RALGPS2: variants seen among roughly 807,000 people sequenced by gnomAD.
The protein encoded by RALGPS2 is Ral GEF with PH domain and SH3 binding motif 2.
RALGPS2 carries 43 observed loss-of-function variants against 86.8 expected under a neutral mutation model. That is an observed-to-expected ratio of 0.50 (90% CI 0.39 to 0.64). The LOEUF (loss-of-function observed/expected upper bound fraction) is 0.64, where lower values mean the gene tolerates loss of function less well. RALGPS2 is among the 30% of genes least tolerant of loss of function. The pLI, the probability that RALGPS2 is intolerant of heterozygous loss-of-function variation, is 0.00. For synonymous variants in RALGPS2, 243 were observed against 231.3 expected, an observed-to-expected ratio of 1.05 and a Z score of -0.46; for missense variants, 536 against 694.6, an observed-to-expected ratio of 0.77 and a Z score of 2.57.
intron 8 of RALGPS2, among the ~76,000 whole-genome samples, 168 bp downstream of exon 8, chr1:178,833,718 G>T (rs773382630): frequency 5.3e-5 from 8 of 152,040 alleles, no homozygotes; most frequent in Non-Finnish European, 1.2e-4. Flanking sequence ...CCTGTTACCT[G>T]GAATGTATTT....
intron 1 of RALGPS2, among the ~76,000 whole-genome samples, chr1:178,770,930 G>A (rs117922414): frequency 0.012 from 1,822 of 148,856 alleles, 39 homozygotes; most frequent in East Asian, 0.094. Flanking sequence ...CCTCCCCGTC[G>A]CGGGATCAAG....
chr1:178,800,456 T>C (rs1016654643), intron 4 of RALGPS2, among the ~76,000 whole-genome samples: 2 of 152,098 alleles, frequency 1.3e-5, no homozygotes, highest in Non-Finnish European at 2.9e-5. Context: ...CTATACACCA[T>C]GAAGATGCAA....
intron 4 of RALGPS2, among the ~76,000 whole-genome samples, chr1:178,798,025 A>T (rs919279374): frequency 6.8e-6 from 1 of 146,454 alleles, no homozygotes; most frequent in African/African-American, 2.7e-5. Flanking sequence ...TTAGAAATAT[A>T]AAAAAAAATT....
At chr1:178,793,205 G>C (rs1292313963) in intron 4 of RALGPS2, among the ~76,000 whole-genome samples, 2 of 152,058 alleles carry the variant, frequency 1.3e-5, no homozygotes, top group Admixed American at 6.5e-5. Context: ...AAATTGTGCT[G>C]CTAATACAAT....
chr1:178,874,127 T>A (rs528631635), intron 8 of RALGPS2, among the ~76,000 whole-genome samples: 1 of 151,832 alleles, frequency 6.6e-6, no homozygotes, highest in South Asian at 2.1e-4. Flanking sequence ...GGGGAAAAAA[T>A]AAGGGAATGA....
chr1:178,841,026 A>T (rs536713391), intron 8 of RALGPS2, among the ~76,000 whole-genome samples: 3 of 151,324 alleles, frequency 2.0e-5, no homozygotes, highest in East Asian at 1.9e-4. Context: ...CCAACCAAAG[A>T]AAGTCCAGGA....
chr1:178,852,130 C>T (rs1657212320), intron 8 of RALGPS2, among the ~76,000 whole-genome samples: 1 of 152,158 alleles, frequency 6.6e-6, no homozygotes, highest in African/African-American at 2.4e-5. Context: ...TTGCATCCTT[C>T]ATTTCTTGCG....
At chr1:178,864,930 T>G (rs2102334793) in intron 8 of RALGPS2, 1 of 1,401,628 alleles carries the variant, frequency 7.1e-7, no homozygotes, top group Non-Finnish European at 9.3e-7. Flanking sequence ...ATACTCCCAC[T>G]TTTTACAGTA....
At chr1:178,848,737 A>G (rs1376065505) in intron 8 of RALGPS2, among the ~76,000 whole-genome samples, 2 of 152,074 alleles carry the variant, frequency 1.3e-5, no homozygotes, top group Non-Finnish European at 2.9e-5. Flanking sequence ...ACTGCAAGCA[A>G]TTCTTCTGCC....
At chr1:178,805,769 TAC>T (rs1235685180) in intron 4 of RALGPS2, among the ~76,000 whole-genome samples, 11 of 152,178 alleles carry the variant, frequency 7.2e-5, no homozygotes, top group African/African-American at 1.2e-4. Flanking sequence ...CTTTTGCACA[TAC>T]AGTTATATCA....
chr1:178,880,037 A>T (rs1215022100), intron 10 of RALGPS2, among the ~76,000 whole-genome samples: 1 of 151,954 alleles, frequency 6.6e-6, no homozygotes, highest in Non-Finnish European at 1.5e-5. Context: ...TACTTTTTTT[A>T]AAAAGTTTAT....
At chr1:178,818,185 C>A (rs1367015235) in intron 6 of RALGPS2, among the ~76,000 whole-genome samples, 1 of 152,032 alleles carries the variant, frequency 6.6e-6, no homozygotes, top group Non-Finnish European at 1.5e-5. Context: ...CATAGTGAAA[C>A]CCTGTCTCTA....
intron 8 of RALGPS2, among the ~76,000 whole-genome samples, chr1:178,851,478 G>A (rs1198833416): frequency 6.6e-6 from 1 of 152,058 alleles, no homozygotes; most frequent in Non-Finnish European, 1.5e-5. Flanking sequence ...GATGGCTGTT[G>A]CATCAACTGC....
chr1:178,841,321 C>T (rs1257084960), intron 8 of RALGPS2, among the ~76,000 whole-genome samples: 3 of 150,390 alleles, frequency 2.0e-5, no homozygotes, highest in East Asian at 2.0e-4. Context: ...TGGGCTTCAT[C>T]GCTGGGATGC....
At chr1:178,837,315 A>G (rs1022520619) in intron 8 of RALGPS2, among the ~76,000 whole-genome samples, 6 of 152,144 alleles carry the variant, frequency 3.9e-5, no homozygotes, top group Non-Finnish European at 7.4e-5. Context: ...CTCCCATTCA[A>G]CATGTGCAGA....
intron 1 of RALGPS2, among the ~76,000 whole-genome samples, chr1:178,762,090 A>G (rs1044503115): frequency 6.6e-6 from 1 of 152,042 alleles, no homozygotes; most frequent in Non-Finnish European, 1.5e-5. Context: ...ACTCCTATTT[A>G]TTAGTGAAGA....
intron 8 of RALGPS2, among the ~76,000 whole-genome samples, chr1:178,845,230 G>A (rs577291037): frequency 1.3e-5 from 2 of 152,232 alleles, no homozygotes; most frequent in Admixed American, 1.3e-4. Flanking sequence ...CTAGCCCTCT[G>A]TAGAATGTGA....
rs181399616 is a variant in RALGPS2 at position 178,866,780 on chromosome 1, A to C, written c.608-10718A>C. Reference sequence around the variant, plus strand: ...TCTGACCCATAGTCAGTATTTATAGAAGCAGCACCTATACTAAAATATGTG... The same window carrying C: ...TCTGACCCATAGTCAGTATTTATAGCAGCAGCACCTATACTAAAATATGTG... On this transcript the variant is annotated intron_variant, in intron 8 of 19. Transcript: ENST00000367635. Among the ~76,000 whole-genome samples, 30 of 152,278 alleles carry C rather than the reference A, an allele frequency of 2.0e-4. No homozygotes were observed. In the East Asian group the frequency reaches 5.2e-3, roughly 26 times the overall value.
At chr1:178,914,659 C>T (rs1241494865) in intron 19 of RALGPS2, among the ~76,000 whole-genome samples, 5 of 151,764 alleles carry the variant, frequency 3.3e-5, no homozygotes, top group Non-Finnish European at 7.4e-5. Context: ...GCCATCTTGT[C>T]CCAATCCCGA....
Sources: gnomAD v4.1 joint callset for allele counts (sites outside exome capture counted in the v4.1 genomes callset) on GRCh38, gnomAD v4.1.1 for gene constraint, MANE v1.5 for transcripts, NCBI Gene and HGNC (gene_info 2026-07-23, HGNC 2026-07-21) for gene names.